LRP1B: variants seen among roughly 807,000 people sequenced by gnomAD.
LRP1B encodes low-density lipoprotein receptor-related protein 1B.
A neutral mutation model predicts 556.6 loss-of-function variants in LRP1B; 217 were observed. The ratio of observed to expected loss-of-function variants is 0.39; its 90% CI spans 0.35 to 0.44. The LOEUF (loss-of-function observed/expected upper bound fraction) is 0.44, where lower values mean the gene tolerates loss of function less well. LRP1B is among the 20% of genes least tolerant of loss of function. The probability of loss-of-function intolerance (pLI) is 1.00; values close to 1 mark genes in which losing one functional copy is unlikely to be tolerated. For synonymous variants in LRP1B, 2,047 were observed against 1,865.8 expected (o/e 1.10, Z -2.50); for missense variants, 5,053 against 5,620.8 (o/e 0.90, Z 3.23).
intron 6 of LRP1B, among the ~76,000 whole-genome samples, chr2:141,223,632 T>C (rs1683128658): frequency 1.3e-5 from 2 of 152,272 alleles, no homozygotes; most frequent in South Asian, 4.1e-4. Flanking sequence ...CTTCAAACTA[T>C]ACTACAAGGC....
intron 82 of LRP1B, among the ~76,000 whole-genome samples, chr2:140,316,857 C>T (rs973333811): frequency 6.6e-6 from 1 of 152,090 alleles, no homozygotes; most frequent in African/African-American, 2.4e-5. Flanking sequence ...TCGACTGTAT[C>T]TAGACTAGGA....
At chr2:140,660,167 A>G (rs569494910) in intron 41 of LRP1B, among the ~76,000 whole-genome samples, 63 of 152,118 alleles carry the variant, frequency 4.1e-4, no homozygotes, top group African/African-American at 1.5e-3. Flanking sequence ...GCTCTGCAAA[A>G]GTGTTTTTTT....
In LRP1B at chr2:140,883,799, A is replaced by T. The variant is rs1367963092; in HGVS notation, c.4169+18T>A. 2 of 1,601,298 alleles carry T rather than the reference A, an allele frequency of 1.2e-6. No individual in the cohort carries two copies. Among genetic ancestry groups the T allele is most frequent in the South Asian group, 2.2e-5 (2 of 88,900 alleles). On this transcript the variant is annotated intron_variant, in intron 25 of 90. Coordinates refer to ENST00000389484, the MANE Select transcript of LRP1B (RefSeq NM_018557.3). ...TTTTTTATGCCAAAATCAATCTATA[A>T]AAGGCAAACTTCTTTACCCATATCT...
intron 1 of LRP1B, among the ~76,000 whole-genome samples, chr2:142,006,952 A>G (rs1481319938): frequency 6.6e-6 from 1 of 152,172 alleles, no homozygotes; most frequent in Non-Finnish European, 1.5e-5. Flanking sequence ...AATATTTATT[A>G]AAGTTTAAGA....
At chr2:140,930,815 A>G (rs1397287582) in intron 20 of LRP1B, among the ~76,000 whole-genome samples, 1 of 152,134 alleles carries the variant, frequency 6.6e-6, no homozygotes, top group African/African-American at 2.4e-5. Context: ...ATCACTATGT[A>G]TTAATAATTC....
chr2:140,266,595 CCT>C (rs1682213105), intron 86 of LRP1B, among the ~76,000 whole-genome samples: 1 of 152,000 alleles, frequency 6.6e-6, no homozygotes, highest in South Asian at 2.1e-4. Context: ...GTGCATATAA[CCT>C]TTTTCTATTC....
intron 35 of LRP1B, among the ~76,000 whole-genome samples, chr2:140,764,106 A>T (rs1164513602): frequency 6.6e-6 from 1 of 152,210 alleles, no homozygotes. Context: ...TTGGTTGGTG[A>T]CAAAGTCGTT....
intron 11 of LRP1B, among the ~76,000 whole-genome samples, chr2:141,039,627 G>T (rs1698638123): frequency 6.6e-6 from 1 of 151,916 alleles, no homozygotes; most frequent in Non-Finnish European, 1.5e-5. Flanking sequence ...GCTCACATGT[G>T]TATATACATA....
Position 140,923,164 on chromosome 2 carries a change from G to A in LRP1B, c.3137-17C>T, listed in dbSNP as rs2105259057. 6.3e-7 allele frequency: 1 copy of A among 1,598,640 alleles called. No homozygotes were observed. The highest frequency in any genetic ancestry group is 8.6e-7 in the Non-Finnish European group (1 of 1,168,762). On this transcript the variant is annotated splice_polypyrimidine_tract_variant and intron_variant, in intron 20 of 90. Coordinates refer to ENST00000389484, the MANE Select transcript of LRP1B (RefSeq NM_018557.3). ...AATGAATCTCTTAATTTGAAATGAG[G>A]AAGAGAGAAGCAGAGGGGGGCAAGA...
intron 1 of LRP1B, among the ~76,000 whole-genome samples, chr2:141,927,856 C>T (rs1040819080): frequency 6.8e-6 from 1 of 146,132 alleles, no homozygotes; most frequent in Non-Finnish European, 1.5e-5. Flanking sequence ...TAATAGTCAT[C>T]CTGTCCTTAG....
Position 140,548,365 on chromosome 2 carries a change from A to C in LRP1B, c.7195-6394T>G, listed in dbSNP as rs530970128. Among the ~76,000 whole-genome samples the C allele has an allele frequency of 3.7e-4, 57 of 152,308 alleles. 1 individual carries two copies. Among genetic ancestry groups the C allele is most frequent in the African/African-American group, 1.3e-3 (55 of 41,568 alleles). On this transcript the variant is annotated intron_variant, in intron 43 of 90. Coordinates refer to ENST00000389484, the MANE Select transcript of LRP1B (RefSeq NM_018557.3). ...GGAAGACATAATCTTCTTTACATGTATGAGAAAGTTTAAACACAGAGAAAT... is the reference window on the plus strand; with the variant it reads ...GGAAGACATAATCTTCTTTACATGTCTGAGAAAGTTTAAACACAGAGAAAT...
chr2:141,779,859 A>G (rs1480549788), intron 2 of LRP1B, among the ~76,000 whole-genome samples: 3 of 151,812 alleles, frequency 2.0e-5, no homozygotes, highest in Non-Finnish European at 4.4e-5. Context: ...TATTTTCACT[A>G]TGCTACATTG....
At chr2:142,089,594 T>C (rs1218157040) in intron 1 of LRP1B, among the ~76,000 whole-genome samples, 2 of 152,194 alleles carry the variant, frequency 1.3e-5, no homozygotes, top group Non-Finnish European at 2.9e-5. Flanking sequence ...CAAAGACGCA[T>C]CCCATTCATG....
chr2:141,461,115 TAAATAGAG>T (rs898443892), intron 3 of LRP1B, among the ~76,000 whole-genome samples: 4 of 151,568 alleles, frequency 2.6e-5, no homozygotes, highest in African/African-American at 9.7e-5. Context: ...GCAAGTAAAT[TAAATAGAG>T]AAGAGAACTC....
chr2:140,816,667 T>C (rs1284723296), intron 31 of LRP1B, among the ~76,000 whole-genome samples: 1 of 152,134 alleles, frequency 6.6e-6, no homozygotes, highest in Non-Finnish European at 1.5e-5. Flanking sequence ...TCCTGTTAAG[T>C]ATGTTAGCTT....
chr2:140,249,161 T>C (rs1275512125), intron 86 of LRP1B, among the ~76,000 whole-genome samples: 1 of 151,646 alleles, frequency 6.6e-6, no homozygotes, highest in Non-Finnish European at 1.5e-5. Flanking sequence ...AGATTTGAAG[T>C]CAGAAAGTGG....
intron 1 of LRP1B, among the ~76,000 whole-genome samples, chr2:142,084,901 T>C (rs1705856215): frequency 6.6e-6 from 1 of 152,178 alleles, no homozygotes; most frequent in Non-Finnish European, 1.5e-5. Context: ...AAAGAATACA[T>C]GTGTATAAAT....
intron 2 of LRP1B, among the ~76,000 whole-genome samples, chr2:141,802,453 C>G (rs1319739702): frequency 6.6e-6 from 1 of 151,750 alleles, no homozygotes; most frequent in Non-Finnish European, 1.5e-5. Context: ...TTTAGAAAAA[C>G]AAACAAACAA....
chr2:141,394,379 G>A (rs1690165711), intron 3 of LRP1B, among the ~76,000 whole-genome samples: 1 of 152,016 alleles, frequency 6.6e-6, no homozygotes, highest in Non-Finnish European at 1.5e-5. Flanking sequence ...GCAAGTTGTT[G>A]TAATTTAAAC....
Sources: allele counts gnomAD v4.1 joint callset (sites outside exome capture counted in the v4.1 genomes callset), GRCh38; gene constraint gnomAD v4.1.1; transcripts MANE v1.5; gene names NCBI Gene and HGNC (gene_info 2026-07-23, HGNC 2026-07-21).